The following CADM1 variants were observed in gnomAD, a reference collection of about 807,000 sequenced individuals.
CADM1 encodes the protein cell adhesion molecule 1.
In CADM1, 15 loss-of-function variants were observed where a neutral mutation model predicts 53.1. The observed-to-expected ratio is 0.28, with a 90% CI of 0.19 to 0.44. CADM1 has a LOEUF of 0.44. Ranked by LOEUF, CADM1 falls within the 20% of genes least tolerant of loss-of-function variation. The probability of loss-of-function intolerance (pLI) is 1.00; values close to 1 mark genes in which losing one functional copy is unlikely to be tolerated. For missense variants in CADM1, 434 were observed against 611.3 expected, an observed-to-expected ratio of 0.71 and a Z score of 3.06; for synonymous variants, 281 against 243.0, an observed-to-expected ratio of 1.16 and a Z score of -1.45.
chr11:115,377,054 T>C (rs1396461888), intron 1 of CADM1: 1 of 152,110 alleles, frequency 6.6e-6, no homozygotes, highest in Non-Finnish European at 1.5e-5. Context: ...ACTGCAATAA[T>C]ACCATAAACC....
chr11:115,431,423 A>G (rs1166036389), intron 1 of CADM1, among the ~76,000 whole-genome samples: 2 of 152,144 alleles, frequency 1.3e-5, no homozygotes, highest in African/African-American at 2.4e-5. Flanking sequence ...TTGTCCAGAC[A>G]GTAGTTCTTT....
At chr11:115,462,429 C>T (rs1325649973) in intron 1 of CADM1, among the ~76,000 whole-genome samples, 1 of 152,114 alleles carries the variant, frequency 6.6e-6, no homozygotes, top group Non-Finnish European at 1.5e-5. Context: ...GACAGAGTGA[C>T]GCTCCTTTGG....
At chr11:115,455,729 CT>C (rs1320302653) in intron 1 of CADM1, among the ~76,000 whole-genome samples, 3 of 152,206 alleles carry the variant, frequency 2.0e-5, no homozygotes, top group African/African-American at 7.2e-5. Context: ...GCTCCTCCCC[CT>C]AAGAGGAAAG....
chr11:115,433,626 A>C (rs919936365), intron 1 of CADM1, among the ~76,000 whole-genome samples: 3 of 152,234 alleles, frequency 2.0e-5, no homozygotes, highest in Admixed American at 1.3e-4. Flanking sequence ...ACATACAGAA[A>C]TGAGCACAAA....
intron 10 of CADM1, chr11:115,179,056 G>A (rs969232663): frequency 2.5e-5 from 11 of 437,652 alleles, no homozygotes; most frequent in Admixed American, 1.3e-4. Flanking sequence ...TAGTCTATCC[G>A]GCCCTGACCT....
intron 1 of CADM1, among the ~76,000 whole-genome samples, chr11:115,334,928 C>A (rs534646850): frequency 7.9e-5 from 12 of 152,238 alleles, no homozygotes; most frequent in African/African-American, 2.9e-4. Context: ...TGCTTACCTT[C>A]TGAAAATTAA....
chr11:115,176,127 T>C lies in CADM1; in HGVS notation c.*347A>G, dbSNP rs1939016270. 4 of 1,125,798 alleles carry C rather than the reference T, an allele frequency of 3.6e-6. No individual in the cohort carries two copies. The highest frequency in any genetic ancestry group is 3.3e-6 in the Non-Finnish European group (3 of 912,060). The allele number at this position is 1,125,798 out of a possible 1,614,324, so 69.7% of individuals were successfully genotyped here. A position where few individuals can be genotyped will look rare whatever the true frequency, so the allele number is the denominator to read the frequency against. On this transcript the variant is annotated 3_prime_UTR_variant, in exon 12 of 12. Transcript: ENST00000331581. ...AATTGGGGTAGAGGGAGGAAATAAA[T>C]GTGCACAAAGGGGGAAAAGAAAGGA...
intron 1 of CADM1, among the ~76,000 whole-genome samples, chr11:115,316,321 G>A (rs1485729123): frequency 6.6e-6 from 1 of 152,172 alleles, no homozygotes; most frequent in African/African-American, 2.4e-5. Flanking sequence ...CATCTTGGGA[G>A]AGTGAGTAAC....
intron 1 of CADM1, among the ~76,000 whole-genome samples, chr11:115,328,668 A>ATATATGTG (rs1945025819): frequency 1.7e-5 from 2 of 117,872 alleles, no homozygotes; most frequent in Non-Finnish European, 3.4e-5. Context: ...CACGCACACT[A>ATATATGTG]TATATATATG....
chr11:115,414,399 C>T (rs148285146), intron 1 of CADM1, among the ~76,000 whole-genome samples: 2,287 of 152,228 alleles, frequency 0.015, 18 homozygotes, highest in African/African-American at 0.029. Flanking sequence ...CCCAAATTAA[C>T]ACAACAGTCT....
rs928106186 is a variant in CADM1, at chr11:115,172,667, T to C, written c.*3807A>G. On this transcript the variant is annotated 3_prime_UTR_variant, in exon 12 of 12. Transcript: ENST00000331581. The stretch of plus-strand genomic sequence containing the variant: ...TTGGCCTCCAGAGACCGCCTTATAC[T>C]TCTCTGCATCCCTCACCATGCTGGA... The C allele has an allele frequency of 1.3e-5, 2 of 151,756 alleles. No homozygotes were observed. Among genetic ancestry groups the C allele is most frequent in the African/African-American group, 2.4e-5 (1 of 41,286 alleles). 9.4% of individuals were successfully genotyped at this position (151,756 alleles called of 1,614,324 possible). A position where few individuals can be genotyped will look rare whatever the true frequency, so the allele number is the denominator to read the frequency against.
intron 1 of CADM1, among the ~76,000 whole-genome samples, chr11:115,332,039 A>G (rs934749091): frequency 6.6e-6 from 1 of 152,130 alleles, no homozygotes; most frequent in Non-Finnish European, 1.5e-5. Context: ...ACAGTCGGGG[A>G]AAAAAACAGG....
rs893595674 is a variant in CADM1 at position 115,238,576 on chromosome 11, A to C, written c.348T>G (p.Ile116Met). 2 of 1,613,868 alleles carry C rather than the reference A, an allele frequency of 1.2e-6. No homozygotes were observed. Among genetic ancestry groups the C allele is most frequent in the South Asian group, 1.1e-5 (1 of 91,078 alleles). Residue 116 changes from isoleucine (I) to methionine (M), a missense_variant, in exon 3 of 12, where the codon ATT (isoleucine) becomes ATG (methionine). This residue lies in a region of CADM1 where 311 missense variants were observed against 435.1 expected (regional missense o/e 0.71). Coordinates refer to ENST00000331581, the MANE Select transcript of CADM1 (RefSeq NM_001301043.2). Reference sequence around the variant, plus strand: ...GGCAAAAGTATCTTCCTTCATCAGAAATTGAGACGTTTGTCAATGATACTT... The same window carrying C: ...GGCAAAAGTATCTTCCTTCATCAGACATTGAGACGTTTGTCAATGATACTT... ...ELKVSLTNVS[I>M]SDEGRYFCQL...
chr11:115,487,138 A>C (rs1257854911), intron 1 of CADM1, among the ~76,000 whole-genome samples: 1 of 152,230 alleles, frequency 6.6e-6, no homozygotes, highest in Non-Finnish European at 1.5e-5. Context: ...AGATTCATTA[A>C]GTCCAGTGGT....
intron 5 of CADM1, among the ~76,000 whole-genome samples, chr11:115,225,961 A>G (rs1941590254): frequency 1.3e-5 from 2 of 152,134 alleles, no homozygotes; most frequent in Non-Finnish European, 2.9e-5. Context: ...AGGCTTAAAC[A>G]AGTGAGCATA....
chr11:115,190,794 G>C (rs1939812039), intron 10 of CADM1, 94 bp downstream of exon 10: 1 of 1,038,408 alleles, frequency 9.6e-7, no homozygotes, highest in South Asian at 1.4e-5. Context: ...AATCCACACT[G>C]ATTGCTCAGC....
At chr11:115,256,058 G>T (rs1942777140) in intron 1 of CADM1, among the ~76,000 whole-genome samples, 1 of 152,198 alleles carries the variant, frequency 6.6e-6, no homozygotes, top group African/African-American at 2.4e-5. Flanking sequence ...TGTGTTTTGT[G>T]TTTGTGAGCA....
At chr11:115,278,032 A>G (rs1208953644) in intron 1 of CADM1, among the ~76,000 whole-genome samples, 5 of 151,708 alleles carry the variant, frequency 3.3e-5, no homozygotes, top group African/African-American at 1.2e-4. Context: ...CTCCCCAATC[A>G]CATTTTCATC....
chr11:115,298,985 C>T (rs1049531455), intron 1 of CADM1, among the ~76,000 whole-genome samples: 1 of 152,196 alleles, frequency 6.6e-6, no homozygotes, highest in African/African-American at 2.4e-5. Context: ...TCAAGAAGAT[C>T]ACCATGACAT....
Sources: gnomAD v4.1 joint callset for allele counts (sites outside exome capture counted in the v4.1 genomes callset) on GRCh38, gnomAD v4.1.1 for gene constraint, gnomAD v4.1.1 regional missense constraint, MANE v1.5 for transcripts, NCBI Gene and HGNC (gene_info 2026-07-23, HGNC 2026-07-21) for gene names.